Variants in MAPK15 observed in about 807,000 individuals in gnomAD.
MAPK15 encodes mitogen-activated protein kinase 15.
Under a neutral mutation model 60.8 loss-of-function variants are expected in MAPK15, and 61 were observed. That is an observed-to-expected ratio of 1.00 (90% CI 0.82 to 1.24). MAPK15 has a LOEUF of 1.24. Ranked by LOEUF, MAPK15 falls within the 50% of genes most tolerant of loss-of-function variation. The probability of loss-of-function intolerance (pLI) is 0.00; values close to 1 mark genes in which losing one functional copy is unlikely to be tolerated. For missense variants in MAPK15, 808 were observed against 741.1 expected, an observed-to-expected ratio of 1.09 and a Z score of -1.05; for synonymous variants, 356 against 319.9, an observed-to-expected ratio of 1.11 and a Z score of -1.21.
Position 143,720,714 on chromosome 8 carries a change from C to A in MAPK15, c.791C>A (p.Thr264Lys), listed in dbSNP as rs146609910. Reference protein sequence around the residue: ...LHQLGSRPRQTLDALLPPDTS... With the variant: ...LHQLGSRPRQKLDALLPPDTS... ...ACGGCAGCCCACAGGCCACGACAGA[C>A]GCTGGATGCCCTCCTACCGCCAGAC... The change falls in exon 9 of 14, where the codon ACG (threonine) becomes AAG (lysine). Residue 264 changes from threonine to lysine, a missense_variant. Transcript: ENST00000338033. This position sits in a 1 kb window ranked among gnomAD's most constrained non-coding sequence, Gnocchi z 4.6. The A allele has an allele frequency of 1.9e-6, 3 of 1,611,870 alleles. No individual in the cohort carries two copies. Among genetic ancestry groups the A allele is most frequent in the South Asian group, 1.1e-5 (1 of 90,758 alleles).
chr8:143,721,380 G>T lies in MAPK15; in HGVS notation c.1173G>T (p.Gln391His), dbSNP rs1563752219. The T allele has an allele frequency of 6.2e-7, 1 of 1,612,712 alleles. No homozygotes were observed. The highest frequency in any genetic ancestry group is 1.7e-4 in the Middle Eastern group (1 of 6,054). ...TPVQGPRPRP[Q>H]SSPGHDPAEH... ...TGCAGGGTCCCAGACCCAGGCCCCA[G>T]AGCAGCCCAGGCCATGACCCTGCCG... The change falls in exon 11 of 14, where the codon CAG becomes CAT. Residue 391 changes from glutamine (Q) to histidine (H), a missense_variant. Coordinates refer to ENST00000338033, the MANE Select transcript of MAPK15 (RefSeq NM_139021.3).
At position 143,722,274 on chromosome 8, in the gene MAPK15, G is replaced by A; in HGVS notation, c.*23G>A. 2 of 1,531,118 alleles carry A rather than the reference G, an allele frequency of 1.3e-6. No individual in the cohort carries two copies. Among genetic ancestry groups the A allele is most frequent in the Non-Finnish European group, 8.8e-7 (1 of 1,139,624 alleles). 94.8% of individuals were successfully genotyped at this position (1,531,118 alleles called of 1,614,324 possible). On this transcript the variant is annotated 3_prime_UTR_variant, in exon 14 of 14. Coordinates refer to ENST00000338033, the MANE Select transcript of MAPK15 (RefSeq NM_139021.3). The stretch of plus-strand genomic sequence containing the variant: ...TGAGCCGCCCTACTCCCTTCACCTG[G>A]CCCTCTGTTCCTGCCCCAGCCCCTT...
Position 143,721,075 on chromosome 8 carries a change from T to TGAGA in MAPK15, c.994_995insAGAG (p.Val332GlufsTer4). The TGAGA allele has an allele frequency of 1.2e-6, 2 of 1,611,834 alleles. No homozygotes were observed. ...GGGCACACGAAGGGGTCCAGCTCTC[T>TGAGA]GTGCCTGAGTACCGCAGCCGCGTCT... On this transcript the variant is annotated frameshift_variant, in exon 10 of 14. Transcript: ENST00000338033. LOFTEE classifies it high-confidence loss of function.
At position 143,722,418 on chromosome 8, in the gene MAPK15, G is replaced by A. The variant is rs782253208; in HGVS notation, c.*167G>A. 27 of 554,074 alleles carry A rather than the reference G, an allele frequency of 4.9e-5. No individual in the cohort carries two copies. The highest frequency in any genetic ancestry group is 7.4e-5 in the Non-Finnish European group (24 of 326,286). 34.3% of individuals were successfully genotyped at this position (554,074 alleles called of 1,614,324 possible). A position where few individuals can be genotyped will look rare whatever the true frequency, so the allele number is the denominator to read the frequency against. On this transcript the variant is annotated 3_prime_UTR_variant, in exon 14 of 14. Transcript: ENST00000338033. ...GGGAGCAGATGAGGGCCCTGCCCCCGCCCCACTGACTTCCTCCAATAAAGT... is the reference window on the plus strand; with the variant it reads ...GGGAGCAGATGAGGGCCCTGCCCCCACCCCACTGACTTCCTCCAATAAAGT...
In MAPK15 at chr8:143,721,688, G is replaced by A. The variant is rs782607392; in HGVS notation, c.1329+15G>A. 2.7e-5 allele frequency: 44 copies of A among 1,610,200 alleles called. 1 individual carries two copies. Among genetic ancestry groups the A allele is most frequent in the Middle Eastern group, 1.6e-4 (1 of 6,062 alleles). ...CACTCTCGCTGGTAAGTCATGGTGG[G>A]GCGGGCACAGGAGGGACCCCTCCTC... On this transcript the variant is annotated intron_variant, in intron 12 of 13. Coordinates refer to ENST00000338033, the MANE Select transcript of MAPK15 (RefSeq NM_139021.3).
chr8:143,717,881 G>C (rs1283757476), intron 2 of MAPK15, 89 bp downstream of exon 2: 55 of 1,504,888 alleles, frequency 3.7e-5, no homozygotes, highest in Non-Finnish European at 5.0e-5. Context: ...GTGGGAGCTG[G>C]AGCCCAGTCA....
In MAPK15 at chr8:143,716,368, C is replaced by A; in HGVS notation, c.-10C>A. 1 of 1,591,056 alleles carries A rather than the reference C, an allele frequency of 6.3e-7. No individual in the cohort carries two copies. The highest frequency in any genetic ancestry group is 1.1e-5 in the South Asian group (1 of 88,066). On this transcript the variant is annotated 5_prime_UTR_variant, in exon 1 of 14. Coordinates refer to ENST00000338033, the MANE Select transcript of MAPK15 (RefSeq NM_139021.3). The stretch of plus-strand genomic sequence containing the variant: ...CTCAACAGTAAGGCCCCGCGGGCGT[C>A]CTGGCCGCCATGTGCACCGTAGTGG...
Position 143,722,079 on chromosome 8 carries a change from C to T in MAPK15, c.1463C>T (p.Pro488Leu). The change falls in exon 14 of 14, where the codon CCT (proline) becomes CTT (leucine). Residue 488 changes from proline (P) to leucine (L), a missense_variant. Pro to Leu is a moderately conservative substitution (Grantham distance 98, BLOSUM62 -3). Transcript: ENST00000338033. The part of the protein sequence containing the change: ...GVRVASVQQV[P>L]PRLPPEARPG... ...GTGACCCTCAACTGTACACAGGTCCCTCCCCGGCTTCCTCCGGAGGCCCGG... is the reference window on the plus strand; with the variant it reads ...GTGACCCTCAACTGTACACAGGTCCTTCCCCGGCTTCCTCCGGAGGCCCGG... 6.2e-7 allele frequency: 1 copy of T among 1,612,076 alleles called. No individual in the cohort carries two copies. Among genetic ancestry groups the T allele is most frequent in the Non-Finnish European group, 8.5e-7 (1 of 1,179,834 alleles).
chr8:143,718,727 G>GTCCCCCCCC, intron 4 of MAPK15, 48 bp from the exon 5 acceptor site: 13 of 514,522 alleles, frequency 2.5e-5, no homozygotes, highest in South Asian at 1.6e-4. Context: ...CCCCCAGGTT[G>GTCCCCCCCC]CCCCCCCAGC....
At position 143,721,785 on chromosome 8, in the gene MAPK15, C is replaced by T; in HGVS notation, c.1363C>T (p.Leu455=). 2 of 1,613,376 alleles carry T rather than the reference C, an allele frequency of 1.2e-6. No homozygotes were observed. Among genetic ancestry groups the T allele is most frequent in the South Asian group, 2.2e-5 (2 of 91,074 alleles). Reference sequence around the variant, plus strand: ...AAGCGGGAGGGGAGCTGCGCCCTCCCTGACCTCCCAGGCTGCGGCTCAGGT... The same window carrying T: ...AAGCGGGAGGGGAGCTGCGCCCTCCTTGACCTCCCAGGCTGCGGCTCAGGT... ...KPSGRGAAPS[L]TSQAAAQVAN... The change falls in exon 13 of 14, where the codon CTG becomes TTG. Residue 455 remains leucine (L), a synonymous_variant. Transcript: ENST00000338033.
At chr8:143,716,511 G>T in intron 1 of MAPK15, 68 bp downstream of exon 1, 1 of 1,472,820 alleles carries the variant, frequency 6.8e-7, no homozygotes, top group South Asian at 1.3e-5. Flanking sequence ...GACCTGCGGG[G>T]CGCGGCCGGT....
rs1817863422 is a variant in MAPK15 at position 143,717,681 on chromosome 8, C to T, written c.67-13C>T. On this transcript the variant is annotated splice_polypyrimidine_tract_variant and intron_variant, in intron 1 of 13. Transcript: ENST00000338033. ...GGAAGGGGCTGGCCCTGTGTGACGG[C>T]ACTCCTTCCCAGGCCTATGGCATTG... 2 of 1,589,662 alleles carry T rather than the reference C, an allele frequency of 1.3e-6. No individual in the cohort carries two copies. Among genetic ancestry groups the T allele is most frequent in the African/African-American group, 2.7e-5 (2 of 74,824 alleles).
chr8:143,716,783 C>G (rs1817827804), intron 1 of MAPK15, among the ~76,000 whole-genome samples: 2 of 152,310 alleles, frequency 1.3e-5, no homozygotes, highest in South Asian at 2.1e-4. Flanking sequence ...GGCCCGCGCC[C>G]GGGTCACTGA....
At chr8:143,717,550 C>A (rs1817857869) in intron 1 of MAPK15, 144 bp from the exon 2 acceptor site, 1 of 676,422 alleles carries the variant, frequency 1.5e-6, no homozygotes, top group Non-Finnish European at 2.6e-6. Flanking sequence ...GAGTCTAGGG[C>A]AGCCTGCAGT....
chr8:143,721,725 G>C, intron 12 of MAPK15, 27 bp from the exon 13 acceptor site: 1 of 1,613,456 alleles, frequency 6.2e-7, no homozygotes, highest in Non-Finnish European at 8.5e-7. Context: ...GCACCTTTCA[G>C]TGACCCTGTG....
chr8:143,716,405 G>A lies in MAPK15; in HGVS notation c.28G>A (p.Val10Ile). MCTVVDPRI[V>I]RRYLLRRQLG... is the part of the protein sequence containing the mutation. ...GTGCACCGTAGTGGACCCTCGCATTGTCCGGAGATACCTACTCAGGCGGCA... is the reference window on the plus strand; with the variant it reads ...GTGCACCGTAGTGGACCCTCGCATTATCCGGAGATACCTACTCAGGCGGCA... Residue 10 changes from valine to isoleucine, a missense_variant, in exon 1 of 14, where the codon GTC becomes ATC. By Grantham distance (29) the Val-to-Ile change is conservative. Coordinates refer to ENST00000338033, the MANE Select transcript of MAPK15 (RefSeq NM_139021.3). 1 of 1,605,874 alleles carries A rather than the reference G, an allele frequency of 6.2e-7. No homozygotes were observed. Among genetic ancestry groups the A allele is most frequent in the Non-Finnish European group, 8.5e-7 (1 of 1,177,040 alleles).
In MAPK15 at chr8:143,720,890, A is replaced by G. The variant is rs781995712; in HGVS notation, c.917+50A>G. 3.6e-5 allele frequency: 57 copies of G among 1,594,588 alleles called. No homozygotes were observed. The Admixed American group carries it at 4.5e-4, about 13-fold the overall frequency. ...AGTGCGGGGGGACAGAGGTGGGGGC[A>G]GGAGAGAGCCAGCCCATGAGGGACA... On this transcript the variant is annotated intron_variant, in intron 9 of 13. Coordinates refer to ENST00000338033, the MANE Select transcript of MAPK15 (RefSeq NM_139021.3). This position sits in a 1 kb window ranked among gnomAD's most constrained non-coding sequence, Gnocchi z 4.6.
At position 143,718,924 on chromosome 8, in the gene MAPK15, C is replaced by T. The variant is rs373387671; in HGVS notation, c.417+19C>T. On this transcript the variant is annotated intron_variant, in intron 5 of 13. Coordinates refer to ENST00000338033, the MANE Select transcript of MAPK15 (RefSeq NM_139021.3). ...CCAGAAGGTGCGGTTCCCCCGCCCCCGCTATGCCACGTGGCCCGGCTCCCG... is the reference window on the plus strand; with the variant it reads ...CCAGAAGGTGCGGTTCCCCCGCCCCTGCTATGCCACGTGGCCCGGCTCCCG... 3.3e-5 allele frequency: 52 copies of T among 1,598,268 alleles called. No homozygotes were observed. Among genetic ancestry groups the T allele is most frequent in the Non-Finnish European group, 3.8e-5 (44 of 1,171,432 alleles).
rs2131578966 is a variant in MAPK15, at chr8:143,720,153, G to A, written c.722-77G>A. 4 of 1,532,092 alleles carry A rather than the reference G, an allele frequency of 2.6e-6. No individual in the cohort carries two copies. In the South Asian group the frequency reaches 3.6e-5, roughly 14 times the overall value. 94.9% of individuals were successfully genotyped at this position (1,532,092 alleles called of 1,614,324 possible). ...GGCTGTGCTCCCTGGGGCTGGAAGA[G>A]ATGACTGGCCCCAGATGCCCTGAGC... On this transcript the variant is annotated intron_variant, in intron 7 of 13. Coordinates refer to ENST00000338033, the MANE Select transcript of MAPK15 (RefSeq NM_139021.3). The surrounding 1 kb of genome is among the most constrained non-coding windows in gnomAD (Gnocchi z 4.6).
Sources: allele counts gnomAD v4.1 joint callset (sites outside exome capture counted in the v4.1 genomes callset), GRCh38; gene constraint gnomAD v4.1.1; non-coding constraint Gnocchi (gnomAD v3.1); transcripts MANE v1.5; gene names NCBI Gene and HGNC (gene_info 2026-07-23, HGNC 2026-07-21).